LRRC3B: variants seen among roughly 807,000 people sequenced by gnomAD.
The protein encoded by LRRC3B is leucine rich repeat containing 3B.
In LRRC3B, 2 loss-of-function variants were observed where a neutral mutation model predicts 12.8. That is an observed-to-expected ratio of 0.16 (90% confidence interval 0.06 to 0.49). The LOEUF (loss-of-function observed/expected upper bound fraction) is 0.49. Ranked by LOEUF, LRRC3B falls within the 20% of genes least tolerant of loss-of-function variation. The pLI, the probability that LRRC3B is intolerant of heterozygous loss-of-function variation, is 0.96. For synonymous variants in LRRC3B, 132 were observed against 122.0 expected (o/e 1.08, Z -0.54); for missense variants, 189 against 319.4 (o/e 0.59, Z 3.11).
intron 1 of LRRC3B, among the ~76,000 whole-genome samples, chr3:26,690,250 G>A (rs939917258): frequency 6.6e-6 from 1 of 152,248 alleles, no homozygotes; most frequent in Non-Finnish European, 1.5e-5. Flanking sequence ...GATTGTGCAC[G>A]TATCTAAAGA....
intron 1 of LRRC3B, among the ~76,000 whole-genome samples, chr3:26,671,583 C>T (rs923337350): frequency 2.6e-5 from 4 of 150,946 alleles, no homozygotes; most frequent in African/African-American, 4.9e-5. Flanking sequence ...TTAGTAGAGA[C>T]GGGGTTTCGT....
At chr3:26,629,462 T>C (rs2125398915) in intron 1 of LRRC3B, among the ~76,000 whole-genome samples, 1 of 152,288 alleles carries the variant, frequency 6.6e-6, no homozygotes, top group South Asian at 2.1e-4. Context: ...TAACCTGAGC[T>C]CTGATTTGGA....
chr3:26,639,991 A>G (rs1047750562), intron 1 of LRRC3B, among the ~76,000 whole-genome samples: 3 of 152,118 alleles, frequency 2.0e-5, no homozygotes, highest in Non-Finnish European at 4.4e-5. Context: ...TCTCTACACC[A>G]AATCAGGATG....
At position 26,685,521 on chromosome 3, in the gene LRRC3B, CTCTATATATATATATATATATA is replaced by C. The variant is rs1468605117; in HGVS notation, c.-160-23990_-160-23969del. ...TCTCTCTCTCTCTCTCTCTCTCTCT[CTCTATATATATATATATATATA>C]TATATATATATATATTCACATATAT... is the stretch of plus-strand genomic sequence containing the variant. On this transcript the variant is annotated intron_variant, in intron 1 of 1. Coordinates refer to ENST00000396641, the Ensembl canonical transcript of LRRC3B. Among the ~76,000 whole-genome samples the C allele has an allele frequency of 2.4e-4, 10 of 41,512 alleles. No individual in the cohort carries two copies. In the East Asian group the frequency reaches 2.6e-3, roughly 11 times the overall value. The allele number at this position is 41,512 out of a possible 152,430, so 27.2% of individuals were successfully genotyped here.
At chr3:26,692,039 A>C (rs1234042080) in intron 1 of LRRC3B, among the ~76,000 whole-genome samples, 1 of 152,248 alleles carries the variant, frequency 6.6e-6, no homozygotes. Context: ...CATGTCCACT[A>C]AGATGACTAT....
In LRRC3B at chr3:26,681,770, G is replaced by A. The variant is rs139725711; in HGVS notation, c.-160-27743G>A. Among the ~76,000 whole-genome samples, 879 of 152,208 alleles carry A rather than the reference G, an allele frequency of 5.8e-3. 7 individuals carry two copies. The highest frequency in any genetic ancestry group is 0.021 in the African/African-American group (855 of 41,538). ...AGCAACCAGATGGTTGATAGATCTG[G>A]TAAAAACAAAAGTATTTCTAAAATA... On this transcript the variant is annotated intron_variant, in intron 1 of 1. Transcript: ENST00000396641.
chr3:26,650,981 A>G (rs1360227718), intron 1 of LRRC3B, among the ~76,000 whole-genome samples: 1 of 152,206 alleles, frequency 6.6e-6, no homozygotes, highest in Non-Finnish European at 1.5e-5. Context: ...ATGCACCTCA[A>G]GTTAAATTAA....
At chr3:26,693,473 G>A (rs6792812) in intron 1 of LRRC3B, among the ~76,000 whole-genome samples, 32,376 of 152,008 alleles carry the variant, frequency 0.21, 3,771 homozygotes, top group Admixed American at 0.31. Flanking sequence ...ACTAAAGAAT[G>A]GGAAAATAGG....
At chr3:26,653,226 A>G (rs1186361823) in intron 1 of LRRC3B, among the ~76,000 whole-genome samples, 10 of 152,222 alleles carry the variant, frequency 6.6e-5, no homozygotes, top group Admixed American at 6.5e-5. Flanking sequence ...AATGAGGGAA[A>G]AAATATTAGT....
chr3:26,682,508 T>C (rs554265091), intron 1 of LRRC3B, among the ~76,000 whole-genome samples: 1 of 152,328 alleles, frequency 6.6e-6, no homozygotes, highest in Admixed American at 6.5e-5. Context: ...ACTGTAGTTA[T>C]TCATAACTAC....
intron 1 of LRRC3B, among the ~76,000 whole-genome samples, chr3:26,671,346 G>GTATATA (rs1186942021): frequency 0.039 from 2,154 of 55,892 alleles, 240 homozygotes; most frequent in African/African-American, 0.21. Flanking sequence ...GTGTATATAT[G>GTATATA]TGTGTATATA....
chr3:26,656,302 A>G (rs1025307959), intron 1 of LRRC3B, among the ~76,000 whole-genome samples: 12 of 152,118 alleles, frequency 7.9e-5, no homozygotes, highest in Admixed American at 7.9e-4. Flanking sequence ...CACCACAACA[A>G]AAGTTTATTT....
intron 1 of LRRC3B, among the ~76,000 whole-genome samples, chr3:26,648,205 G>A (rs1699192232): frequency 6.6e-6 from 1 of 152,054 alleles, no homozygotes; most frequent in Non-Finnish European, 1.5e-5. Context: ...TTAAATTGTG[G>A]AGGGAAAGAA....
chr3:26,645,419 AC>A (rs1559353429), intron 1 of LRRC3B, among the ~76,000 whole-genome samples: 1 of 152,152 alleles, frequency 6.6e-6, no homozygotes, highest in African/African-American at 2.4e-5. Flanking sequence ...GCTCAGACAC[AC>A]TCAGCAAAGA....
chr3:26,685,500 T>TCC (rs1700059234), intron 1 of LRRC3B, among the ~76,000 whole-genome samples: 1 of 45,258 alleles, frequency 2.2e-5, no homozygotes, highest in Non-Finnish European at 4.2e-5. Context: ...TCTCTCTCTC[T>TCC]CTCTCTCTCT....
intron 1 of LRRC3B, among the ~76,000 whole-genome samples, chr3:26,633,609 G>C (rs1698805849): frequency 1.3e-5 from 2 of 152,126 alleles, no homozygotes; most frequent in African/African-American, 4.8e-5. Flanking sequence ...ATTTTTCATG[G>C]AACCAGGGAC....
chr3:26,653,465 A>C (rs1559356021), intron 1 of LRRC3B, among the ~76,000 whole-genome samples: 1 of 152,242 alleles, frequency 6.6e-6, no homozygotes, highest in Non-Finnish European at 1.5e-5. Context: ...TCTGTCATTA[A>C]TAATGGTTTA....
intron 1 of LRRC3B, among the ~76,000 whole-genome samples, chr3:26,646,704 G>A (rs1699158429): frequency 6.6e-6 from 1 of 151,414 alleles, no homozygotes; most frequent in Admixed American, 6.6e-5. Flanking sequence ...AGGCCAGCAG[G>A]TGAAGAGGAT....
At position 26,647,980 on chromosome 3, in the gene LRRC3B, C is replaced by T. The variant is rs74852510; in HGVS notation, c.-161+24743C>T. On this transcript the variant is annotated intron_variant, in intron 1 of 1. Transcript: ENST00000396641. ...TGCAGAGGAGAGTTCAGCTTGGAGG[C>T]CCATTTTTGTTCATTGTGTTCTGTG... 2.5e-3 allele frequency among the ~76,000 whole-genome samples: 387 copies of T among 152,174 alleles called. 3 individuals are homozygous for T. Among genetic ancestry groups the T allele is most frequent in the African/African-American group, 9.0e-3 (373 of 41,510 alleles).
Sources: gnomAD v4.1 joint callset for allele counts (sites outside exome capture counted in the v4.1 genomes callset) on GRCh38, gnomAD v4.1.1 for gene constraint, MANE v1.5 for transcripts, NCBI Gene and HGNC (gene_info 2026-07-23, HGNC 2026-07-21) for gene names.